The following RAB3IP variants were observed in gnomAD, a reference collection of about 807,000 sequenced individuals.
RAB3IP encodes the protein RAB3A interacting protein, also known as rab-3A-interacting protein.
A neutral mutation model predicts 59.1 loss-of-function variants in RAB3IP; 36 were observed. That is an observed-to-expected ratio of 0.61 (90% CI 0.47 to 0.80). The LOEUF (loss-of-function observed/expected upper bound fraction) is 0.80, where lower values mean the gene tolerates loss of function less well. Ranked by LOEUF, RAB3IP falls within the 30% of genes least tolerant of loss-of-function variation. RAB3IP has a pLI of 0.00. For synonymous variants in RAB3IP, 207 were observed against 191.2 expected (o/e 1.08, Z -0.68); for missense variants, 511 against 536.0 (o/e 0.95, Z 0.46).
chr12:69,743,332 TG>T (rs1565865051), intron 1 of RAB3IP, among the ~76,000 whole-genome samples: 2 of 152,354 alleles, frequency 1.3e-5, no homozygotes, highest in East Asian at 3.9e-4. Context: ...CAATTCCCTG[TG>T]GGGAAAAGAA....
chr12:69,789,794 C>G (rs1470912993), intron 4 of RAB3IP, among the ~76,000 whole-genome samples: 1 of 152,076 alleles, frequency 6.6e-6, no homozygotes. Flanking sequence ...GCAAATCAAT[C>G]AGTGTGATAA....
intron 2 of RAB3IP, 30 bp from the exon 3 acceptor site, chr12:69,756,375 T>A: frequency 6.2e-7 from 1 of 1,607,748 alleles, no homozygotes. Context: ...TATGCTGATA[T>A]TTTCTGAAAA....
At chr12:69,757,364 G>C in intron 3 of RAB3IP, among the ~76,000 whole-genome samples, 1 of 152,128 alleles carries the variant, frequency 6.6e-6, no homozygotes, top group East Asian at 1.9e-4. Context: ...CAATGAAATT[G>C]ATAACAGAAA....
intron 4 of RAB3IP, among the ~76,000 whole-genome samples, chr12:69,791,871 T>C (rs1448897439): frequency 6.6e-6 from 1 of 152,218 alleles, no homozygotes; most frequent in East Asian, 1.9e-4. Context: ...TCCATGTTCA[T>C]TGCAGCATTA....
At chr12:69,750,392 C>A (rs1402384448) in intron 1 of RAB3IP, among the ~76,000 whole-genome samples, 1 of 152,148 alleles carries the variant, frequency 6.6e-6, no homozygotes, top group African/African-American at 2.4e-5. Context: ...TTTAAAAATA[C>A]AACCATTATG....
At chr12:69,779,431 G>T (rs1363146711) in intron 3 of RAB3IP, among the ~76,000 whole-genome samples, 4 of 152,046 alleles carry the variant, frequency 2.6e-5, no homozygotes, top group Non-Finnish European at 5.9e-5. Flanking sequence ...GGCCATCTTG[G>T]CTCCTCCTCC....
intron 3 of RAB3IP, 26 bp from the exon 4 acceptor site, chr12:69,784,693 CA>C: frequency 7.1e-7 from 1 of 1,415,942 alleles, no homozygotes; most frequent in South Asian, 1.2e-5. Flanking sequence ...TATGGAGATC[CA>C]AAATAAAATT....
intron 3 of RAB3IP, among the ~76,000 whole-genome samples, chr12:69,762,809 G>T (rs1014065189): frequency 3.0e-5 from 4 of 131,582 alleles, no homozygotes; most frequent in African/African-American, 5.5e-5. Context: ...AAAAGAAAAA[G>T]AAAATGAAAT....
At chr12:69,797,049 A>C (rs1052043440) in intron 6 of RAB3IP, among the ~76,000 whole-genome samples, 1 of 152,228 alleles carries the variant, frequency 6.6e-6, no homozygotes, top group Non-Finnish European at 1.5e-5. Flanking sequence ...GAATTACATA[A>C]ATTTGACCTG....
chr12:69,792,200 T>TA (rs1308616416), intron 4 of RAB3IP, among the ~76,000 whole-genome samples: 5 of 152,144 alleles, frequency 3.3e-5, no homozygotes, highest in African/African-American at 1.2e-4. Context: ...AAGTGTCAGT[T>TA]ATGCAGGATA....
intron 1 of RAB3IP, among the ~76,000 whole-genome samples, chr12:69,746,823 T>G (rs977938494): frequency 3.9e-5 from 6 of 152,224 alleles, no homozygotes; most frequent in African/African-American, 1.4e-4. Flanking sequence ...TCTTTCATAA[T>G]TCATGTTAAA....
intron 4 of RAB3IP, among the ~76,000 whole-genome samples, chr12:69,787,372 TTA>T (rs1232736661): frequency 6.6e-6 from 1 of 152,178 alleles, no homozygotes; most frequent in African/African-American, 2.4e-5. Flanking sequence ...CTTAAGATGT[TTA>T]TGTTTTATAA....
chr12:69,779,481 C>T lies in RAB3IP; in HGVS notation c.511-5239C>T, dbSNP rs1040172730. 4.6e-5 allele frequency among the ~76,000 whole-genome samples: 7 copies of T among 152,172 alleles called. 1 individual carries two copies. Among genetic ancestry groups the T allele is most frequent in the South Asian group, 4.1e-4 (2 of 4,822 alleles). ...TATTCCCTCTTGAACTCCAATTACTCGAACATTTTCTCTTTTGATGCTATC... is the reference window on the plus strand; with the variant it reads ...TATTCCCTCTTGAACTCCAATTACTTGAACATTTTCTCTTTTGATGCTATC... On this transcript the variant is annotated intron_variant, in intron 3 of 10. Coordinates refer to ENST00000247833, the MANE Select transcript of RAB3IP (RefSeq NM_022456.5).
chr12:69,748,086 T>TC (rs60971989), intron 1 of RAB3IP, among the ~76,000 whole-genome samples: 21 of 144,282 alleles, frequency 1.5e-4, no homozygotes, highest in Non-Finnish European at 2.3e-4. Context: ...TTTTTTTTTT[T>TC]CTAAAATTAA....
intron 8 of RAB3IP, among the ~76,000 whole-genome samples, chr12:69,809,248 A>G (rs987194611): frequency 1.3e-5 from 2 of 152,088 alleles, no homozygotes; most frequent in African/African-American, 4.8e-5. Context: ...TCTGGCTTCT[A>G]GAGTTTCTGC....
chr12:69,772,959 A>C (rs1011395790), intron 3 of RAB3IP, among the ~76,000 whole-genome samples: 9 of 152,124 alleles, frequency 5.9e-5, no homozygotes, highest in Non-Finnish European at 1.2e-4. Flanking sequence ...AAATCCCTTT[A>C]GCATTTCTTG....
chr12:69,788,018 A>G (rs1047404101), intron 4 of RAB3IP, among the ~76,000 whole-genome samples: 3 of 152,174 alleles, frequency 2.0e-5, no homozygotes, highest in Non-Finnish European at 2.9e-5. Flanking sequence ...AGTTATACAC[A>G]CATGTTTTAT....
chr12:69,813,670 A>G (rs1046556013), intron 10 of RAB3IP, among the ~76,000 whole-genome samples: 1 of 152,110 alleles, frequency 6.6e-6, no homozygotes, highest in Admixed American at 6.5e-5. Flanking sequence ...GCTCCAAAGC[A>G]GTATCTCTCG....
At chr12:69,762,483 C>T (rs1033732089) in intron 3 of RAB3IP, among the ~76,000 whole-genome samples, 5 of 152,048 alleles carry the variant, frequency 3.3e-5, no homozygotes, top group African/African-American at 7.2e-5. Flanking sequence ...ATGAGCTGGG[C>T]GAAGTGGCTC....
Sources: gnomAD v4.1 joint callset for allele counts (sites outside exome capture counted in the v4.1 genomes callset) on GRCh38, gnomAD v4.1.1 for gene constraint, MANE v1.5 for transcripts, NCBI Gene and HGNC (gene_info 2026-07-23, HGNC 2026-07-21) for gene names.